Variants in XXYLT1 observed in about 807,000 individuals in gnomAD.
The protein encoded by XXYLT1 is xyloside xylosyltransferase 1.
Under a neutral mutation model 28.9 loss-of-function variants are expected in XXYLT1, and 20 were observed. The observed-to-expected ratio is 0.69, with a 90% CI of 0.49 to 1.00. XXYLT1 has a LOEUF of 1.00. Among genes scored for constraint, XXYLT1 ranks in the 50% least tolerant of loss-of-function variants. The pLI, the probability that XXYLT1 is intolerant of heterozygous loss-of-function variation, is 0.00. For missense variants in XXYLT1, 542 were observed against 560.1 expected (o/e 0.97, Z 0.33); for synonymous variants, 257 against 253.8 (o/e 1.01, Z -0.12).
At chr3:195,213,434 T>C (rs1723421482) in intron 2 of XXYLT1, among the ~76,000 whole-genome samples, 1 of 151,968 alleles carries the variant, frequency 6.6e-6, no homozygotes, top group African/African-American at 2.4e-5. Flanking sequence ...CCAGCTAATT[T>C]TGTATTTTTA....
intron 2 of XXYLT1, among the ~76,000 whole-genome samples, chr3:195,161,338 C>T (rs1005511915): frequency 6.6e-6 from 1 of 152,158 alleles, no homozygotes; most frequent in East Asian, 1.9e-4. Flanking sequence ...CTGAGAAAAG[C>T]CTTCGGACAT....
intron 3 of XXYLT1, among the ~76,000 whole-genome samples, chr3:195,088,326 A>G (rs867118031): frequency 2.2e-4 from 33 of 149,436 alleles, no homozygotes; most frequent in Middle Eastern, 3.4e-3. Context: ...CCCAGCACGC[A>G]GCTGGAGATC....
At chr3:195,104,586 C>T (rs1577029987) in intron 3 of XXYLT1, among the ~76,000 whole-genome samples, 2 of 152,206 alleles carry the variant, frequency 1.3e-5, no homozygotes, top group Admixed American at 6.5e-5. Context: ...GGGGACGAGG[C>T]GGGGACCCGG....
At chr3:195,118,374 C>T (rs1026652343) in intron 3 of XXYLT1, among the ~76,000 whole-genome samples, 2 of 152,146 alleles carry the variant, frequency 1.3e-5, no homozygotes, top group South Asian at 4.2e-4. Flanking sequence ...GCCCCATGGC[C>T]CGTGGCCACC....
intron 3 of XXYLT1, among the ~76,000 whole-genome samples, chr3:195,141,631 C>A (rs146590168): frequency 6.6e-6 from 1 of 152,158 alleles, no homozygotes; most frequent in Non-Finnish European, 1.5e-5. Context: ...CTTCAAAGAC[C>A]GAGAGCTCAG....
At chr3:195,205,428 T>C (rs1286960381) in intron 2 of XXYLT1, among the ~76,000 whole-genome samples, 2 of 152,220 alleles carry the variant, frequency 1.3e-5, no homozygotes, top group African/African-American at 4.8e-5. Flanking sequence ...TACTTTAGGA[T>C]TCCATTGATA....
In XXYLT1 at chr3:195,083,266, G is replaced by A. The variant is rs142266270; in HGVS notation, c.786-13155C>T. 3.3e-3 allele frequency among the ~76,000 whole-genome samples: 506 copies of A among 152,156 alleles called. 10 individuals carry two copies. The highest frequency in any genetic ancestry group is 1.5e-3 in the Non-Finnish European group (104 of 68,010). On this transcript the variant is annotated intron_variant, in intron 3 of 3. Coordinates refer to ENST00000310380, the MANE Select transcript of XXYLT1 (RefSeq NM_152531.5). ...CACGTAAGCCTTGATAACCCCCTGC[G>A]TATACCGAGCCTGTCTACCTGTGTG...
rs1277714829 is a variant in XXYLT1 at position 195,168,361 on chromosome 3, C to T, written c.653-11780G>A. On this transcript the variant is annotated intron_variant, in intron 2 of 3. Coordinates refer to ENST00000310380, the MANE Select transcript of XXYLT1 (RefSeq NM_152531.5). The surrounding 1 kb of genome is among the most constrained non-coding windows in gnomAD (Gnocchi z 4.3). ...CTACTGCGTTGTTCTCACCCATGCC[C>T]AGCTAAGCAAGCCACAAAATCCCTA... is the stretch of plus-strand genomic sequence containing the variant. Among the ~76,000 whole-genome samples, 1 of 152,226 alleles carries T rather than the reference C, an allele frequency of 6.6e-6. No individual in the cohort carries two copies. Among genetic ancestry groups the T allele is most frequent in the African/African-American group, 2.4e-5 (1 of 41,456 alleles).
At chr3:195,081,659 A>G (rs1031213647) in intron 3 of XXYLT1, among the ~76,000 whole-genome samples, 1 of 152,230 alleles carries the variant, frequency 6.6e-6, no homozygotes, top group African/African-American at 2.4e-5. Flanking sequence ...CAGGCTTCCA[A>G]ATATAAACAG....
intron 3 of XXYLT1, chr3:195,122,216 G>T (rs188265761): frequency 4.3e-6 from 3 of 702,088 alleles, no homozygotes; most frequent in South Asian, 1.5e-5. Context: ...CTCTCCAAAG[G>T]CCCCACCTCC....
At chr3:195,183,457 T>C (rs1722042571) in intron 2 of XXYLT1, 2 of 152,222 alleles carry the variant, frequency 1.3e-5, no homozygotes, top group African/African-American at 4.8e-5. Context: ...AGTCGAAACC[T>C]CTTTCATTTA....
chr3:195,121,587 C>T (rs1226791591), intron 3 of XXYLT1, among the ~76,000 whole-genome samples: 2 of 152,204 alleles, frequency 1.3e-5, no homozygotes, highest in Non-Finnish European at 2.9e-5. Flanking sequence ...CTTCCTCAGT[C>T]ACACTGAGCA....
chr3:195,121,712 G>A (rs755076330), intron 3 of XXYLT1, among the ~76,000 whole-genome samples: 1 of 152,148 alleles, frequency 6.6e-6, no homozygotes, highest in Non-Finnish European at 1.5e-5. Flanking sequence ...TGAGGGCCTC[G>A]TGCTGAGACT....
rs546362786 is a variant in XXYLT1, at chr3:195,182,965, T to C, written c.653-26384A>G. Among the ~76,000 whole-genome samples, 46 of 152,318 alleles carry C rather than the reference T, an allele frequency of 3.0e-4. 1 individual carries two copies. In the South Asian group the frequency reaches 9.5e-3, roughly 32 times the overall value. On this transcript the variant is annotated intron_variant, in intron 2 of 3. Coordinates refer to ENST00000310380, the MANE Select transcript of XXYLT1 (RefSeq NM_152531.5). Reference sequence around the variant, plus strand: ...GAAGATTAACTATGTTATGATAGCTTATATCACGTTTTTACACACTTCATC... The same window carrying C: ...GAAGATTAACTATGTTATGATAGCTCATATCACGTTTTTACACACTTCATC...
chr3:195,180,995 G>A lies in XXYLT1; in HGVS notation c.653-24414C>T, dbSNP rs575968546. Among the ~76,000 whole-genome samples the A allele has an allele frequency of 1.4e-4, 21 of 152,336 alleles. 1 individual carries two copies. In the South Asian group the frequency reaches 4.1e-3, roughly 30 times the overall value. ...ATTCAGTTCAGACAAAGGGCTAAAGGGTGGTGACTCCAGGCCGTGAGAGGG... is the reference window on the plus strand; with the variant it reads ...ATTCAGTTCAGACAAAGGGCTAAAGAGTGGTGACTCCAGGCCGTGAGAGGG... On this transcript the variant is annotated intron_variant, in intron 2 of 3. Transcript: ENST00000310380. This position sits in a 1 kb window ranked among gnomAD's most constrained non-coding sequence, Gnocchi z 5.8.
chr3:195,258,997 G>A (rs1284005465), intron 1 of XXYLT1, among the ~76,000 whole-genome samples: 2 of 152,208 alleles, frequency 1.3e-5, no homozygotes, highest in Non-Finnish European at 2.9e-5. Context: ...CAACAGCAGG[G>A]TGTCAGTTCC....
chr3:195,192,173 A>G (rs747483836), intron 2 of XXYLT1, among the ~76,000 whole-genome samples: 1 of 152,216 alleles, frequency 6.6e-6, no homozygotes, highest in Non-Finnish European at 1.5e-5. Context: ...CCTGTAATCT[A>G]GCACTTTGGG....
intron 1 of XXYLT1, chr3:195,247,685 G>A: frequency 3.3e-6 from 2 of 614,824 alleles, no homozygotes; most frequent in East Asian, 3.0e-5. Flanking sequence ...GGCAGGCTCA[G>A]CTGCTGTATT....
chr3:195,111,535 G>A (rs1052959018), intron 3 of XXYLT1, among the ~76,000 whole-genome samples: 3 of 152,114 alleles, frequency 2.0e-5, no homozygotes, highest in African/African-American at 4.8e-5. Context: ...GGCGCTCCAG[G>A]GGCAGGTGTC....
Sources: allele counts gnomAD v4.1 joint callset (sites outside exome capture counted in the v4.1 genomes callset), GRCh38; gene constraint gnomAD v4.1.1; non-coding constraint Gnocchi (gnomAD v3.1); transcripts MANE v1.5; gene names NCBI Gene and HGNC (gene_info 2026-07-23, HGNC 2026-07-21).